ERC2: variants seen among roughly 807,000 people sequenced by gnomAD.
The protein encoded by ERC2 is ELKS/RAB6-interacting/CAST family member 2.
Under a neutral mutation model 114.8 loss-of-function variants are expected in ERC2, and 42 were observed. That is an observed-to-expected ratio of 0.37 (90% CI 0.29 to 0.47). The LOEUF (loss-of-function observed/expected upper bound fraction) is 0.47. Ranked by LOEUF, ERC2 falls within the 20% of genes least tolerant of loss-of-function variation. The probability of loss-of-function intolerance (pLI) is 0.99; values close to 1 mark genes in which losing one functional copy is unlikely to be tolerated. For missense variants in ERC2, 939 were observed against 1,150.7 expected, an observed-to-expected ratio of 0.82 and a Z score of 2.66; for synonymous variants, 454 against 425.5, an observed-to-expected ratio of 1.07 and a Z score of -0.82.
chr3:56,172,696 C>T (rs916087455), intron 4 of ERC2, among the ~76,000 whole-genome samples: 9 of 152,254 alleles, frequency 5.9e-5, no homozygotes, highest in Middle Eastern at 3.4e-3. Flanking sequence ...AAATACTTTA[C>T]TATTTGCATC....
intron 7 of ERC2, among the ~76,000 whole-genome samples, chr3:56,049,188 G>A (rs530133109): frequency 1.2e-4 from 18 of 152,280 alleles, no homozygotes; most frequent in South Asian, 4.1e-4. Flanking sequence ...AGCATGACTC[G>A]ACTTGTGTTG....
intron 1 of ERC2, among the ~76,000 whole-genome samples, chr3:56,445,665 C>T (rs1376503945): frequency 1.3e-5 from 2 of 152,160 alleles, no homozygotes; most frequent in Non-Finnish European, 2.9e-5. Context: ...AGCCAACAGC[C>T]CCCGCCTCCC....
chr3:56,256,262 A>G (rs899729045), intron 3 of ERC2, among the ~76,000 whole-genome samples: 1 of 152,246 alleles, frequency 6.6e-6, no homozygotes, highest in Admixed American at 6.5e-5. Context: ...ATTGGTTAAT[A>G]TTTCAAAAAC....
At chr3:56,408,064 G>T (rs1272412959) in intron 2 of ERC2, among the ~76,000 whole-genome samples, 2 of 152,100 alleles carry the variant, frequency 1.3e-5, no homozygotes, top group Admixed American at 6.5e-5. Flanking sequence ...ATTTTATAAT[G>T]ATGTATTTTT....
chr3:56,201,701 G>C (rs890896592), intron 3 of ERC2, among the ~76,000 whole-genome samples: 10 of 152,198 alleles, frequency 6.6e-5, no homozygotes, highest in Admixed American at 6.5e-4. Context: ...CAAACTGTTA[G>C]GCAAGTTCTT....
rs1410121194 is a variant in ERC2 at position 55,920,445 on chromosome 3, CA to C, written c.2403+29979del. On this transcript the variant is annotated intron_variant, in intron 13 of 17. Transcript: ENST00000288221. ...ACACACACACACACACACACACACACACCCCAAGTGAGAAGGATATTGCTAA... is the reference window on the plus strand; with the variant it reads ...ACACACACACACACACACACACACACCCCCAAGTGAGAAGGATATTGCTAA... Among the ~76,000 whole-genome samples the C allele has an allele frequency of 4.1e-3, 610 of 148,610 alleles. 3 individuals are homozygous for C. Among genetic ancestry groups the C allele is most frequent in the African/African-American group, 0.014 (570 of 40,314 alleles).
chr3:55,539,411 C>CTTTTTTTTTTTTTTTTTT (rs1559619170), intron 17 of ERC2, among the ~76,000 whole-genome samples: 7 of 49,064 alleles, frequency 1.4e-4, no homozygotes, highest in Admixed American at 2.9e-4. Flanking sequence ...CTCTTTTTTT[C>CTTTTTTTTTTTTTTTTTT]TTTCTTTTTT....
chr3:55,880,217 C>G (rs919748529), intron 14 of ERC2, among the ~76,000 whole-genome samples: 2 of 152,178 alleles, frequency 1.3e-5, no homozygotes, highest in Non-Finnish European at 2.9e-5. Flanking sequence ...AATGTCAAGA[C>G]AGAAGGAACG....
At position 55,863,432 on chromosome 3, in the gene ERC2, G is replaced by T. The variant is rs114020308; in HGVS notation, c.2564+24957C>A. On this transcript the variant is annotated intron_variant, in intron 14 of 17. Coordinates refer to ENST00000288221, the MANE Select transcript of ERC2 (RefSeq NM_015576.3). ...ACTATGAACTGCTGGAATTTATTTT[G>T]TGTGTTAGAGAAGGAATATAGTTCC... Among the ~76,000 whole-genome samples the T allele has an allele frequency of 9.9e-4, 150 of 152,278 alleles. 1 individual carries two copies. Among genetic ancestry groups the T allele is most frequent in the African/African-American group, 3.6e-3 (149 of 41,550 alleles).
At chr3:56,446,541 A>G (rs2062570463) in intron 1 of ERC2, among the ~76,000 whole-genome samples, 1 of 151,892 alleles carries the variant, frequency 6.6e-6, no homozygotes, top group Non-Finnish European at 1.5e-5. Flanking sequence ...GTATTCCCAG[A>G]AAGTACTGAG....
At chr3:56,103,446 T>C (rs2078469989) in intron 6 of ERC2, among the ~76,000 whole-genome samples, 1 of 152,124 alleles carries the variant, frequency 6.6e-6, no homozygotes, top group African/African-American at 2.4e-5. Flanking sequence ...CCTTCCCTCC[T>C]CTCTAAGAGG....
intron 14 of ERC2, among the ~76,000 whole-genome samples, chr3:55,875,724 A>ACACTCTCTCT (rs1491351730): frequency 7.1e-6 from 1 of 141,024 alleles, no homozygotes; most frequent in African/African-American, 2.8e-5. Flanking sequence ...ACACACACAC[A>ACACTCTCTCT]CTCTCTCTCT....
At chr3:56,054,671 A>G (rs1419927746) in intron 7 of ERC2, among the ~76,000 whole-genome samples, 1 of 152,170 alleles carries the variant, frequency 6.6e-6, no homozygotes, top group Non-Finnish European at 1.5e-5. Flanking sequence ...CAAGGGATAC[A>G]ACAACTTGAC....
chr3:56,335,517 T>C (rs535698304), intron 2 of ERC2, among the ~76,000 whole-genome samples: 135 of 152,328 alleles, frequency 8.9e-4, no homozygotes, highest in African/African-American at 3.0e-3. Flanking sequence ...GCACTGTCTA[T>C]ACATTGGAAC....
chr3:55,822,549 AT>A (rs200091737), intron 14 of ERC2, among the ~76,000 whole-genome samples: 2 of 147,784 alleles, frequency 1.4e-5, no homozygotes, highest in Non-Finnish European at 1.5e-5. Flanking sequence ...ACTTACAAGA[AT>A]TTTTTTTTCT....
In ERC2 at chr3:56,010,714, A is replaced by G; in HGVS notation, c.1780-125T>C. Reference sequence around the variant, plus strand: ...CTGTACAGGAATCAACACACACAAGAAAATCAAAATTGGATTCGTGGGGAG... The same window carrying G: ...CTGTACAGGAATCAACACACACAAGGAAATCAAAATTGGATTCGTGGGGAG... On this transcript the variant is annotated intron_variant, in intron 8 of 17. Transcript: ENST00000288221. 7.1e-6 allele frequency: 8 copies of G among 1,130,264 alleles called. 1 individual carries two copies. In the South Asian group the frequency reaches 1.3e-4, roughly 19 times the overall value. 70.0% of individuals were successfully genotyped at this position (1,130,264 alleles called of 1,614,324 possible). A position where few individuals can be genotyped will look rare whatever the true frequency, so the allele number is the denominator to read the frequency against.
At chr3:55,905,161 A>T (rs1214983574) in intron 13 of ERC2, among the ~76,000 whole-genome samples, 1 of 152,148 alleles carries the variant, frequency 6.6e-6, no homozygotes. Flanking sequence ...GCTCACTGCA[A>T]CCTCTGCCTC....
chr3:56,390,485 A>T (rs934188752), intron 2 of ERC2, among the ~76,000 whole-genome samples: 1 of 152,168 alleles, frequency 6.6e-6, no homozygotes, highest in African/African-American at 2.4e-5. Flanking sequence ...AAGGAGAGTG[A>T]TTGGCTACCT....
intron 2 of ERC2, among the ~76,000 whole-genome samples, chr3:56,419,176 C>T (rs904204075): frequency 2.8e-4 from 43 of 152,192 alleles, no homozygotes; most frequent in Admixed American, 9.8e-4. Context: ...TAACTGGGAA[C>T]ATGATAGGTA....
Sources: gnomAD v4.1 joint callset for allele counts (sites outside exome capture counted in the v4.1 genomes callset) on GRCh38, gnomAD v4.1.1 for gene constraint, MANE v1.5 for transcripts, NCBI Gene and HGNC (gene_info 2026-07-23, HGNC 2026-07-21) for gene names.